GRAMD1B: variants seen among roughly 807,000 people sequenced by gnomAD.
GRAMD1B encodes protein Aster-B.
GRAMD1B carries 37 observed loss-of-function variants against 99.7 expected under a neutral mutation model. That is an observed-to-expected ratio of 0.37 (90% confidence interval 0.29 to 0.49). The LOEUF (loss-of-function observed/expected upper bound fraction) is 0.49, where lower values mean the gene tolerates loss of function less well. Among genes scored for constraint, GRAMD1B ranks in the 20% least tolerant of loss-of-function variants. The probability of loss-of-function intolerance (pLI) is 0.98; values close to 1 mark genes in which losing one functional copy is unlikely to be tolerated. For missense variants in GRAMD1B, 888 were observed against 1,009.2 expected (o/e 0.88, Z 1.63); for synonymous variants, 427 against 387.6 (o/e 1.10, Z -1.19).
chr11:123,466,322 GAA>G (rs1950658367), intron 1 of GRAMD1B, among the ~76,000 whole-genome samples: 13 of 138,042 alleles, frequency 9.4e-5, no homozygotes, highest in Admixed American at 9.3e-4. Context: ...GAAAGAGAAA[GAA>G]AGAAAGAAAG....
chr11:123,420,394 C>A (rs1339017825), intron 1 of GRAMD1B, among the ~76,000 whole-genome samples: 1 of 152,110 alleles, frequency 6.6e-6, no homozygotes, highest in Non-Finnish European at 1.5e-5. Flanking sequence ...AGAGGTACAC[C>A]TACATTATTA....
chr11:123,508,543 G>A (rs1232763736), intron 2 of GRAMD1B, among the ~76,000 whole-genome samples: 2 of 152,170 alleles, frequency 1.3e-5, no homozygotes, highest in Non-Finnish European at 2.9e-5. Flanking sequence ...CTGTAGTTAA[G>A]CCAGACCCGT....
At chr11:123,433,055 A>T (rs1394929858) in intron 1 of GRAMD1B, among the ~76,000 whole-genome samples, 1 of 151,966 alleles carries the variant, frequency 6.6e-6, no homozygotes, top group Non-Finnish European at 1.5e-5. Flanking sequence ...CTAACCTTGA[A>T]CTAAAGTAGT....
At chr11:123,483,617 GGTCA>G (rs917034338) in intron 2 of GRAMD1B, among the ~76,000 whole-genome samples, 1 of 151,940 alleles carries the variant, frequency 6.6e-6, no homozygotes. Flanking sequence ...CAACTCCTGA[GGTCA>G]AGTGACCCGC....
At chr11:123,490,620 A>T (rs893708486) in intron 2 of GRAMD1B, among the ~76,000 whole-genome samples, 10 of 152,232 alleles carry the variant, frequency 6.6e-5, no homozygotes, top group African/African-American at 2.4e-4. Flanking sequence ...AGACAAATTC[A>T]AGATATATTT....
intron 1 of GRAMD1B, among the ~76,000 whole-genome samples, chr11:123,360,118 C>G (rs1946088738): frequency 6.6e-6 from 1 of 152,220 alleles, no homozygotes; most frequent in Non-Finnish European, 1.5e-5. Flanking sequence ...CAGATACAGT[C>G]AAAGAGAGGC....
intron 3 of GRAMD1B, among the ~76,000 whole-genome samples, chr11:123,579,300 T>C (rs1389455031): frequency 6.6e-6 from 1 of 152,160 alleles, no homozygotes; most frequent in Non-Finnish European, 1.5e-5. Context: ...GACTTAATAA[T>C]AGTCCCAAGT....
At chr11:123,415,102 T>C (rs1329360449) in intron 1 of GRAMD1B, among the ~76,000 whole-genome samples, 44 of 129,230 alleles carry the variant, frequency 3.4e-4, no homozygotes, top group African/African-American at 1.1e-3. Context: ...TTTCTTTTTT[T>C]TTTTTTTTTT....
At chr11:123,367,752 T>A (rs111231067) in intron 1 of GRAMD1B, among the ~76,000 whole-genome samples, 2 of 151,866 alleles carry the variant, frequency 1.3e-5, no homozygotes, top group African/African-American at 4.8e-5. Flanking sequence ...GGAATATAAC[T>A]CTAGAAGCAG....
chr11:123,605,500 C>T (rs1952590313), intron 10 of GRAMD1B, 22 bp downstream of exon 10: 4 of 1,592,480 alleles, frequency 2.5e-6, no homozygotes, highest in South Asian at 1.1e-5. Context: ...CAGCCTTTGA[C>T]TTCTACCCCC....
intron 2 of GRAMD1B, among the ~76,000 whole-genome samples, chr11:123,487,221 C>T (rs1017640188): frequency 3.9e-5 from 6 of 152,024 alleles, no homozygotes; most frequent in East Asian, 1.9e-4. Context: ...AACCAAGGCT[C>T]GGGGAATTAA....
chr11:123,565,483 A>G (rs1007136275), intron 2 of GRAMD1B, among the ~76,000 whole-genome samples: 1 of 152,232 alleles, frequency 6.6e-6, no homozygotes, highest in African/African-American at 2.4e-5. Context: ...AGGTGCTCCA[A>G]AGATTCTTGC....
intron 1 of GRAMD1B, among the ~76,000 whole-genome samples, chr11:123,392,826 C>A (rs559115139): frequency 2.1e-3 from 319 of 152,314 alleles, no homozygotes; most frequent in African/African-American, 7.1e-3. Context: ...TTCAGAACTT[C>A]ACAGGCTGCC....
At chr11:123,548,313 TATATATATATATAC>T (rs1441627394) in intron 2 of GRAMD1B, among the ~76,000 whole-genome samples, 1 of 85,500 alleles carries the variant, frequency 1.2e-5, no homozygotes, top group African/African-American at 6.0e-5. Context: ...TATATATATA[TATATATATATATAC>T]ACACACACAC....
Position 123,430,590 on chromosome 11 carries a change from C to G in GRAMD1B, c.-203C>G, listed in dbSNP as rs1337203513. ...CTGACGGCCCGGAGGACGCGCGCTC[C>G]GAAAAGTTAGACTCCGGGCGGCGGC... is the stretch of plus-strand genomic sequence containing the variant. On this transcript the variant is annotated 5_prime_UTR_variant, in exon 1 of 20. Transcript: ENST00000635736. 6.6e-6 allele frequency: 3 copies of G among 455,614 alleles called. No homozygotes were observed. Among genetic ancestry groups the G allele is most frequent in the Non-Finnish European group, 1.2e-5 (3 of 259,544 alleles). 28.2% of individuals were successfully genotyped at this position (455,614 alleles called of 1,614,324 possible).
chr11:123,576,013 C>T (rs761695155), intron 2 of GRAMD1B, among the ~76,000 whole-genome samples: 2 of 151,824 alleles, frequency 1.3e-5, no homozygotes, highest in Non-Finnish European at 2.9e-5. Context: ...TTATCAGTTT[C>T]CTTCCAAAAG....
intron 17 of GRAMD1B, chr11:123,618,223 A>AT: frequency 1.3e-6 from 1 of 790,066 alleles, no homozygotes; most frequent in Non-Finnish European, 2.2e-6. Context: ...TGCTTCTAGT[A>AT]TTTTTTTCTC....
chr11:123,369,898 GA>G (rs1036013475), intron 1 of GRAMD1B, among the ~76,000 whole-genome samples: 18 of 146,352 alleles, frequency 1.2e-4, no homozygotes, highest in East Asian at 4.0e-4. Flanking sequence ...AAAGGAAAAA[GA>G]AAAAAAAAAT....
intron 11 of GRAMD1B, among the ~76,000 whole-genome samples, chr11:123,607,250 A>G (rs1023015881): frequency 1.2e-4 from 19 of 152,226 alleles, no homozygotes. Flanking sequence ...TGCTGGGTCA[A>G]ATAGGGTTTG....
Sources: gnomAD v4.1 joint callset for allele counts (sites outside exome capture counted in the v4.1 genomes callset) on GRCh38, gnomAD v4.1.1 for gene constraint, MANE v1.5 for transcripts, NCBI Gene and HGNC (gene_info 2026-07-23, HGNC 2026-07-21) for gene names.